The following CADM2 variants were observed in gnomAD, a reference collection of about 807,000 sequenced individuals.
CADM2 encodes the protein immunoglobulin superfamily member 4D.
Under a neutral mutation model 49.8 loss-of-function variants are expected in CADM2, and 12 were observed. The ratio of observed to expected loss-of-function variants is 0.24; its 90% CI spans 0.15 to 0.39. CADM2 has a LOEUF of 0.39. CADM2 is among the 10% of genes least tolerant of loss of function. CADM2 has a pLI of 1.00. For missense variants in CADM2, 378 were observed against 492.3 expected (o/e 0.77, Z 2.20); for synonymous variants, 214 against 175.4 (o/e 1.22, Z -1.74).
chr3:85,546,804 T>A (rs546214834), intron 1 of CADM2, among the ~76,000 whole-genome samples: 1 of 150,300 alleles, frequency 6.7e-6, no homozygotes, highest in South Asian at 2.1e-4. Context: ...AGAAGGTAAA[T>A]AGCATAGTAA....
At chr3:85,155,241 G>A (rs2107654792) in intron 1 of CADM2, among the ~76,000 whole-genome samples, 1 of 148,842 alleles carries the variant, frequency 6.7e-6, no homozygotes, top group South Asian at 2.1e-4. Context: ...AAGGATGGAG[G>A]AAGATCTACC....
chr3:85,618,613 G>A (rs559108915), intron 1 of CADM2, among the ~76,000 whole-genome samples: 3 of 152,064 alleles, frequency 2.0e-5, no homozygotes, highest in South Asian at 2.1e-4. Flanking sequence ...GCTCACCTAC[G>A]TAATTCTTTA....
intron 2 of CADM2, among the ~76,000 whole-genome samples, chr3:85,747,458 A>G (rs2068662575): frequency 2.0e-5 from 3 of 152,128 alleles, no homozygotes; most frequent in African/African-American, 7.2e-5. Context: ...AGAAGGAAAG[A>G]GTAAATAAGA....
intron 1 of CADM2, among the ~76,000 whole-genome samples, chr3:85,206,001 G>A (rs1010760751): frequency 6.6e-6 from 1 of 151,994 alleles, no homozygotes; most frequent in African/African-American, 2.4e-5. Context: ...ACTTCATGAA[G>A]AGCCGGAAAA....
chr3:85,448,518 C>T (rs2037583883), intron 1 of CADM2, among the ~76,000 whole-genome samples: 1 of 151,960 alleles, frequency 6.6e-6, no homozygotes, highest in Non-Finnish European at 1.5e-5. Context: ...TAAAATACGG[C>T]ACTGTGGCGG....
intron 5 of CADM2, among the ~76,000 whole-genome samples, chr3:85,890,819 C>G (rs1714330693): frequency 6.6e-6 from 1 of 151,738 alleles, no homozygotes; most frequent in Non-Finnish European, 1.5e-5. Flanking sequence ...GTGTTTGGGA[C>G]AAAAGTAGGT....
intron 8 of CADM2, among the ~76,000 whole-genome samples, chr3:86,022,772 T>C (rs925977817): frequency 1.3e-5 from 2 of 152,168 alleles, no homozygotes; most frequent in Non-Finnish European, 2.9e-5. Context: ...AATAATAATA[T>C]GATTTAAAAT....
intron 1 of CADM2, among the ~76,000 whole-genome samples, chr3:85,339,641 C>T (rs1000669235): frequency 2.0e-5 from 3 of 151,306 alleles, no homozygotes; most frequent in African/African-American, 7.3e-5. Context: ...GTGGGAATGA[C>T]TGAGTTTCCA....
At chr3:85,956,117 G>A (rs962186392) in intron 7 of CADM2, among the ~76,000 whole-genome samples, 3 of 151,584 alleles carry the variant, frequency 2.0e-5, no homozygotes, top group African/African-American at 7.3e-5. Context: ...CATGTAAAGT[G>A]GCGTAACGTT....
intron 1 of CADM2, among the ~76,000 whole-genome samples, chr3:85,592,139 G>T (rs536069702): frequency 6.6e-4 from 100 of 151,920 alleles, no homozygotes; most frequent in Non-Finnish European, 1.1e-3. Flanking sequence ...AAAAAAGGAT[G>T]AATTAATTTT....
chr3:85,962,171 G>A (rs749732497), intron 8 of CADM2, among the ~76,000 whole-genome samples: 4 of 151,796 alleles, frequency 2.6e-5, no homozygotes, highest in East Asian at 3.9e-4. Flanking sequence ...AGCCTGCCTC[G>A]GCTTCCCAAA....
intron 3 of CADM2, among the ~76,000 whole-genome samples, chr3:85,857,467 T>A (rs1237890725): frequency 6.6e-6 from 1 of 152,120 alleles, no homozygotes; most frequent in Admixed American, 6.6e-5. Context: ...ACTCTTTTTA[T>A]CCTCTTTGTG....
chr3:85,117,677 G>A (rs1041026250), intron 1 of CADM2, among the ~76,000 whole-genome samples: 2 of 152,004 alleles, frequency 1.3e-5, no homozygotes, highest in African/African-American at 4.8e-5. Flanking sequence ...GGTGTTATAG[G>A]GATTAGGGTG....
intron 1 of CADM2, among the ~76,000 whole-genome samples, chr3:85,530,128 G>A (rs2061264910): frequency 6.6e-6 from 1 of 151,952 alleles, no homozygotes; most frequent in Non-Finnish European, 1.5e-5. Flanking sequence ...TCATGATAGT[G>A]AGTGAATTTG....
chr3:85,796,776 A>T (rs1048519171), intron 2 of CADM2, among the ~76,000 whole-genome samples: 3 of 152,102 alleles, frequency 2.0e-5, no homozygotes, highest in African/African-American at 7.2e-5. Context: ...ATTGAGCCAC[A>T]AATAGCCTGT....
chr3:85,783,228 C>G (rs2070764692), intron 2 of CADM2, among the ~76,000 whole-genome samples: 1 of 152,106 alleles, frequency 6.6e-6, no homozygotes, highest in Non-Finnish European at 1.5e-5. Context: ...AGATAAAACT[C>G]TTATGTAAGA....
At chr3:85,169,033 A>G (rs1350719413) in intron 1 of CADM2, among the ~76,000 whole-genome samples, 16 of 152,028 alleles carry the variant, frequency 1.1e-4, no homozygotes, top group Admixed American at 7.2e-4. Context: ...GCTCACTGCA[A>G]TCTCCACCTC....
At chr3:85,225,134 G>A (rs2042127898) in intron 1 of CADM2, among the ~76,000 whole-genome samples, 1 of 152,134 alleles carries the variant, frequency 6.6e-6, no homozygotes, top group Admixed American at 6.5e-5. Flanking sequence ...CCAATTCTAT[G>A]AAGGAAGTCA....
chr3:85,944,822 G>T (rs1006072434), intron 7 of CADM2, among the ~76,000 whole-genome samples: 3 of 152,008 alleles, frequency 2.0e-5, no homozygotes, highest in Non-Finnish European at 4.4e-5. Context: ...ACAAGACAAA[G>T]TAGGAAAGAT....
Sources: allele counts gnomAD v4.1 joint callset (sites outside exome capture counted in the v4.1 genomes callset), GRCh38; gene constraint gnomAD v4.1.1; transcripts MANE v1.5; gene names NCBI Gene and HGNC (gene_info 2026-07-23, HGNC 2026-07-21).